The following ZBTB32 variants were observed in gnomAD, a reference collection of about 807,000 sequenced individuals.
ZBTB32 encodes zinc finger and BTB domain containing 32, also known as zinc finger and BTB domain-containing protein 32.
In ZBTB32, 28 loss-of-function variants were observed where a neutral mutation model predicts 45.3. That is an observed-to-expected ratio of 0.62 (90% confidence interval 0.46 to 0.85). The LOEUF is 0.85. Among genes scored for constraint, ZBTB32 ranks in the 40% least tolerant of loss-of-function variants. The probability of loss-of-function intolerance (pLI) is 0.00; values close to 1 mark genes in which losing one functional copy is unlikely to be tolerated. For missense variants in ZBTB32, 587 were observed against 624.4 expected (o/e 0.94, Z 0.64); for synonymous variants, 283 against 255.7 (o/e 1.11, Z -1.02).
chr19:35,707,059 A>G (rs1158913062), intron 1 of ZBTB32, among the ~76,000 whole-genome samples: 1 of 152,038 alleles, frequency 6.6e-6, no homozygotes, highest in Non-Finnish European at 1.5e-5. Flanking sequence ...ACCAAGCATG[A>G]TGGCACATGC....
rs760478944 is a variant in ZBTB32, at chr19:35,715,382, C to T, written c.756C>T (p.Ala252=). 2 of 1,611,954 alleles carry T rather than the reference C, an allele frequency of 1.2e-6. No homozygotes were observed. The highest frequency in any genetic ancestry group is 8.5e-7 in the Non-Finnish European group (1 of 1,179,302). Residue 252 remains alanine, a synonymous_variant, in exon 3 of 7, where the codon GCC becomes GCT. Transcript: ENST00000392197. ...SVTPRPSWAE[A]PWLVGGQPAL... is the part of the protein sequence containing the mutation. ...CCCCTAGGCCCTCGTGGGCTGAGGCCCCTTGGTTGGTGGGGGGCCAGCCTG... is the reference window on the plus strand; with the variant it reads ...CCCCTAGGCCCTCGTGGGCTGAGGCTCCTTGGTTGGTGGGGGGCCAGCCTG...
intron 2 of ZBTB32, among the ~76,000 whole-genome samples, chr19:35,713,768 A>G (rs1258315218): frequency 4.6e-5 from 7 of 152,220 alleles, no homozygotes; most frequent in African/African-American, 1.4e-4. Context: ...TGAAAAACAA[A>G]TTAAACCATC....
At chr19:35,708,816 TTTTTTC>T (rs1167219887) in intron 1 of ZBTB32, among the ~76,000 whole-genome samples, 5 of 148,870 alleles carry the variant, frequency 3.4e-5, no homozygotes, top group South Asian at 4.3e-4. Flanking sequence ...TTCTTTTTTC[TTTTTTC>T]TTTTTTTTTT....
rs1968808994 is a variant in ZBTB32 at position 35,714,812 on chromosome 19, G to T, written c.186G>T (p.Leu62=). ...TGGGCCGCAGGGGCCAGTGGGCTCT[G>T]GGAGAAGGCATCAGCCCTTCTACCT... ...QQLGRRGQWA[L]GEGISPSTFA... Residue 62 remains leucine, a synonymous_variant, in exon 3 of 7, where the codon CTG becomes CTT. Transcript: ENST00000392197. 2 of 1,613,944 alleles carry T rather than the reference G, an allele frequency of 1.2e-6. No homozygotes were observed. The highest frequency in any genetic ancestry group is 2.7e-5 in the African/African-American group (2 of 75,062).
rs1339216843 is a variant in ZBTB32 at position 35,715,064 on chromosome 19, A to C, written c.438A>C (p.Gly146=). 2.5e-6 allele frequency: 4 copies of C among 1,613,878 alleles called. No homozygotes were observed. The highest frequency in any genetic ancestry group is 3.4e-6 in the Non-Finnish European group (4 of 1,179,998). ...RNPERELGDP[G]EKQKPEQVSR... is the part of the protein sequence containing the mutation. ...CTGAGAGAGAACTGGGGGACCCTGGAGAGAAGCAGAAACCAGAACAGGTTT... is the reference window on the plus strand; with the variant it reads ...CTGAGAGAGAACTGGGGGACCCTGGCGAGAAGCAGAAACCAGAACAGGTTT... The change falls in exon 3 of 7, where the codon GGA becomes GGC. Residue 146 remains glycine (G), a synonymous_variant. Transcript: ENST00000392197.
At chr19:35,711,988 G>A (rs1344931535) in intron 1 of ZBTB32, among the ~76,000 whole-genome samples, 12 of 124,196 alleles carry the variant, frequency 9.7e-5, no homozygotes, top group Admixed American at 6.0e-4. Flanking sequence ...TTGCGCCACT[G>A]CACTCCAGTC....
chr19:35,712,219 C>T (rs924402805), intron 1 of ZBTB32, among the ~76,000 whole-genome samples: 4 of 151,824 alleles, frequency 2.6e-5, no homozygotes, highest in South Asian at 4.2e-4. Flanking sequence ...CCCAGCACTT[C>T]GGGAGGCCAA....
intron 1 of ZBTB32, among the ~76,000 whole-genome samples, chr19:35,711,940 G>T (rs1168633276): frequency 1.4e-5 from 2 of 143,264 alleles, no homozygotes; most frequent in South Asian, 2.2e-4. Context: ...CAGGAGAATC[G>T]CTTGAACCTG....
intron 1 of ZBTB32, among the ~76,000 whole-genome samples, chr19:35,709,780 G>T (rs1968639835): frequency 6.6e-6 from 1 of 151,990 alleles, no homozygotes; most frequent in South Asian, 2.1e-4. Flanking sequence ...TCGGGAGGCT[G>T]AGGCAGGAGA....
At position 35,716,527 on chromosome 19, in the gene ZBTB32, CT is replaced by C; in HGVS notation, c.1240del (p.Ser414ArgfsTer3). Reference sequence around the variant, plus strand: ...TTTGTCCTCAGCGCTCCCGGGACTTCTCGGCCATGACCAAGCACCTGCGGAC... The same window carrying C: ...TTTGTCCTCAGCGCTCCCGGGACTTCCGGCCATGACCAAGCACCTGCGGAC... The part of the protein sequence containing the change: ...SLCPQRSRDF[S>X]AMTKHLRTHG... On this transcript the variant is annotated frameshift_variant, in exon 7 of 7. Coordinates refer to ENST00000392197, the MANE Select transcript of ZBTB32 (RefSeq NM_014383.3). LOFTEE classifies it high-confidence loss of function. 6.2e-7 allele frequency: 1 copy of C among 1,612,062 alleles called. No homozygotes were observed. Among genetic ancestry groups the C allele is most frequent in the Non-Finnish European group, 8.5e-7 (1 of 1,178,828 alleles).
At chr19:35,712,024 C>CAA (rs773746029) in intron 1 of ZBTB32, among the ~76,000 whole-genome samples, 6,870 of 54,488 alleles carry the variant, frequency 0.13, 1,084 homozygotes, top group East Asian at 0.27. Flanking sequence ...GACTGCGTCT[C>CAA]AAAAAAAAAA....
intron 1 of ZBTB32, among the ~76,000 whole-genome samples, chr19:35,707,355 G>T (rs935619575): frequency 2.7e-5 from 4 of 148,992 alleles, no homozygotes; most frequent in Non-Finnish European, 5.9e-5. Context: ...AGTGGTATAA[G>T]TGTCTACCAT....
chr19:35,708,365 C>A (rs750483880), intron 1 of ZBTB32, among the ~76,000 whole-genome samples: 1 of 152,200 alleles, frequency 6.6e-6, no homozygotes, highest in East Asian at 1.9e-4. Flanking sequence ...TGGGAGCTCA[C>A]AGTTCCGGGT....
chr19:35,709,735 C>T (rs959106306), intron 1 of ZBTB32, among the ~76,000 whole-genome samples: 6 of 151,920 alleles, frequency 3.9e-5, no homozygotes, highest in East Asian at 3.9e-4. Context: ...AAAAATTAGC[C>T]GGGTTTGGTG....
chr19:35,715,381 C>T lies in ZBTB32; in HGVS notation c.755C>T (p.Ala252Val), dbSNP rs201876502. ...ACCCCTAGGCCCTCGTGGGCTGAGG[C>T]CCCTTGGTTGGTGGGGGGCCAGCCT... ...SVTPRPSWAE[A>V]PWLVGGQPAL... Residue 252 changes from alanine (A) to valine (V), a missense_variant, in exon 3 of 7, where the codon GCC becomes GTC. Transcript: ENST00000392197. The T allele has an allele frequency of 1.3e-5, 21 of 1,611,834 alleles. No individual in the cohort carries two copies. The highest frequency in any genetic ancestry group is 2.2e-5 in the East Asian group (1 of 44,866).
intron 4 of ZBTB32, 37 bp downstream of exon 4, chr19:35,715,867 G>A (rs372520200): frequency 6.2e-7 from 1 of 1,610,838 alleles, no homozygotes; most frequent in Non-Finnish European, 8.5e-7. Flanking sequence ...CCTGTAACAT[G>A]GTGTCTTCTC....
At chr19:35,708,265 T>G (rs374335979) in intron 1 of ZBTB32, among the ~76,000 whole-genome samples, 9 of 152,136 alleles carry the variant, frequency 5.9e-5, no homozygotes, top group South Asian at 2.1e-4. Flanking sequence ...AATACAGGCC[T>G]GGGGTTGAGT....
In ZBTB32 at chr19:35,715,059, C is replaced by A. The variant is rs1407418197; in HGVS notation, c.433C>A (p.Pro145Thr). 1 of 1,613,632 alleles carries A rather than the reference C, an allele frequency of 6.2e-7. No individual in the cohort carries two copies. Among genetic ancestry groups the A allele is most frequent in the Admixed American group, 1.7e-5 (1 of 59,974 alleles). Residue 145 changes from proline (P) to threonine (T), a missense_variant, in exon 3 of 7, where the codon CCT becomes ACT. Coordinates refer to ENST00000392197, the MANE Select transcript of ZBTB32 (RefSeq NM_014383.3). Reference protein sequence around the residue: ...SRNPERELGDPGEKQKPEQVS... With the variant: ...SRNPERELGDTGEKQKPEQVS... ...GAATCCTGAGAGAGAACTGGGGGACCCTGGAGAGAAGCAGAAACCAGAACA... is the reference window on the plus strand; with the variant it reads ...GAATCCTGAGAGAGAACTGGGGGACACTGGAGAGAAGCAGAAACCAGAACA...
chr19:35,707,664 G>A (rs142276929), intron 1 of ZBTB32, among the ~76,000 whole-genome samples: 1,915 of 152,006 alleles, frequency 0.013, 14 homozygotes, highest in Non-Finnish European at 0.018. Flanking sequence ...CACCGCACCC[G>A]GCCTGTGTCT....
Sources: gnomAD v4.1 joint callset for allele counts (sites outside exome capture counted in the v4.1 genomes callset) on GRCh38, gnomAD v4.1.1 for gene constraint, MANE v1.5 for transcripts, NCBI Gene and HGNC (gene_info 2026-07-23, HGNC 2026-07-21) for gene names.